The following STK39 variants were observed in gnomAD, a reference collection of about 807,000 sequenced individuals.
STK39 encodes the protein serine/threonine kinase 39.
Under a neutral mutation model 77.8 loss-of-function variants are expected in STK39, and 20 were observed. The ratio of observed to expected loss-of-function variants is 0.26; its 90% CI spans 0.18 to 0.37. The LOEUF is 0.37. Ranked by LOEUF, STK39 falls within the 10% of genes least tolerant of loss-of-function variation. The pLI is 1.00. For missense variants in STK39, 479 were observed against 656.5 expected (o/e 0.73, Z 2.95); for synonymous variants, 246 against 234.1 (o/e 1.05, Z -0.47).
chr2:168,042,689 T>A (rs1317726533), intron 14 of STK39, among the ~76,000 whole-genome samples: 1 of 151,546 alleles, frequency 6.6e-6, no homozygotes, highest in African/African-American at 2.4e-5. Flanking sequence ...CAAGCAGTTC[T>A]CTGCCTCAGC....
chr2:168,091,900 A>T (rs529562850), intron 10 of STK39, among the ~76,000 whole-genome samples: 5 of 152,216 alleles, frequency 3.3e-5, no homozygotes, highest in African/African-American at 9.6e-5. Flanking sequence ...GACATTTAAA[A>T]ACATGATCAC....
chr2:168,049,760 TCTC>T lies in STK39; in HGVS notation c.1376+13737_1376+13739del, dbSNP rs1226266139. On this transcript the variant is annotated intron_variant, in intron 14 of 17. Transcript: ENST00000355999. ...CAGCCACCAGCTGAGAACTAGCAAT[TCTC>T]CTTGCCTGTGCCCTGCACTTGCCTG... Among the ~76,000 whole-genome samples the T allele has an allele frequency of 7.2e-5, 11 of 152,320 alleles. No homozygotes were observed. In the East Asian group the frequency reaches 1.7e-3, roughly 24 times the overall value.
chr2:168,047,424 C>A (rs1168468959), intron 14 of STK39, among the ~76,000 whole-genome samples: 4 of 152,136 alleles, frequency 2.6e-5, no homozygotes, highest in Non-Finnish European at 5.9e-5. Flanking sequence ...AATGGTGCAA[C>A]CAAACCATAA....
chr2:168,246,275 G>T (rs982484332), intron 1 of STK39, among the ~76,000 whole-genome samples: 1 of 152,176 alleles, frequency 6.6e-6, no homozygotes, highest in African/African-American at 2.4e-5. Flanking sequence ...GATCCAATAG[G>T]GAAGGTTCTA....
intron 1 of STK39, among the ~76,000 whole-genome samples, chr2:168,237,354 T>A (rs1355433730): frequency 6.6e-6 from 1 of 152,162 alleles, no homozygotes; most frequent in African/African-American, 2.4e-5. Flanking sequence ...GCTGAGACAA[T>A]GGGGTTTTCT....
intron 1 of STK39, among the ~76,000 whole-genome samples, chr2:168,194,206 G>A (rs1689414667): frequency 6.6e-6 from 1 of 152,170 alleles, no homozygotes; most frequent in Non-Finnish European, 1.5e-5. Context: ...TTGAGGTCAG[G>A]AGTTCAAGAC....
intron 1 of STK39, among the ~76,000 whole-genome samples, chr2:168,230,703 C>T (rs1026470761): frequency 1.3e-5 from 2 of 152,172 alleles, no homozygotes; most frequent in African/African-American, 2.4e-5. Context: ...GAGGCACCCT[C>T]GCTGGCAAAA....
chr2:168,174,784 C>G (rs934799386), intron 2 of STK39, among the ~76,000 whole-genome samples: 1 of 150,616 alleles, frequency 6.6e-6, no homozygotes, highest in Admixed American at 6.6e-5. Context: ...ATCACTTGAG[C>G]CCAGGAGTTC....
chr2:168,235,039 A>AT (rs556244576), intron 1 of STK39, among the ~76,000 whole-genome samples: 2,308 of 141,040 alleles, frequency 0.016, 69 homozygotes, highest in African/African-American at 0.054. Context: ...TGAGTCAATA[A>AT]TTTTTTTTTT....
chr2:167,963,534 AAAAC>A (rs1692059739), intron 17 of STK39, among the ~76,000 whole-genome samples: 1 of 148,354 alleles, frequency 6.7e-6, no homozygotes, highest in African/African-American at 2.4e-5. Flanking sequence ...AAAAAAAAAA[AAAAC>A]ACACACATTA....
At chr2:168,054,845 G>T (rs955557647) in intron 14 of STK39, among the ~76,000 whole-genome samples, 1 of 151,696 alleles carries the variant, frequency 6.6e-6, no homozygotes, top group Non-Finnish European at 1.5e-5. Context: ...GCACACCAAA[G>T]ATAACATCTA....
chr2:168,247,209 C>A lies in STK39; in HGVS notation c.208+19G>T. The A allele has an allele frequency of 1.7e-6, 2 of 1,198,860 alleles. No homozygotes were observed. The highest frequency in any genetic ancestry group is 2.1e-6 in the Non-Finnish European group (2 of 961,948). The allele number at this position is 1,198,860 out of a possible 1,614,324, so 74.3% of individuals were successfully genotyped here. On this transcript the variant is annotated intron_variant, in intron 1 of 17. Transcript: ENST00000355999. The stretch of plus-strand genomic sequence containing the variant: ...CGGCGCCCGGCCTGTGCCGGCCCCG[C>A]CGCGCCCGCCGCACTGACCGATAAC...
At chr2:168,153,490 G>A (rs1486990476) in intron 5 of STK39, among the ~76,000 whole-genome samples, 1 of 152,174 alleles carries the variant, frequency 6.6e-6, no homozygotes, top group African/African-American at 2.4e-5. Flanking sequence ...AGAAGGTCTA[G>A]GGTAGGAGAA....
At chr2:168,092,714 A>T (rs1686555880) in intron 10 of STK39, among the ~76,000 whole-genome samples, 1 of 152,176 alleles carries the variant, frequency 6.6e-6, no homozygotes, top group African/African-American at 2.4e-5. Flanking sequence ...TCCTCTCATC[A>T]CATCTGCTCA....
intron 1 of STK39, among the ~76,000 whole-genome samples, chr2:168,187,287 G>GA (rs1689233121): frequency 6.6e-6 from 1 of 152,018 alleles, no homozygotes; most frequent in Non-Finnish European, 1.5e-5. Flanking sequence ...GAAGGTAGAG[G>GA]CTGCAGTGAG....
chr2:167,969,555 G>A (rs772745960), intron 16 of STK39, among the ~76,000 whole-genome samples: 3 of 152,090 alleles, frequency 2.0e-5, no homozygotes, highest in Admixed American at 6.5e-5. Flanking sequence ...GAAATAATCT[G>A]TCACATACCT....
chr2:168,065,232 G>T, intron 13 of STK39, 87 bp downstream of exon 13: 1 of 1,437,984 alleles, frequency 7.0e-7, no homozygotes, highest in Non-Finnish European at 9.8e-7. Flanking sequence ...GCACTACCTT[G>T]AAATTGTCTA....
intron 1 of STK39, among the ~76,000 whole-genome samples, chr2:168,225,869 G>A (rs1690291279): frequency 1.3e-5 from 2 of 152,118 alleles, no homozygotes; most frequent in South Asian, 4.1e-4. Flanking sequence ...CTTCTCCAAG[G>A]AGGGTGTCTG....
intron 12 of STK39, among the ~76,000 whole-genome samples, chr2:168,074,391 G>C (rs187873691): frequency 6.6e-6 from 1 of 152,164 alleles, no homozygotes; most frequent in Non-Finnish European, 1.5e-5. Context: ...TAGGCATTAG[G>C]ATAATTAATC....
Sources: gnomAD v4.1 joint callset for allele counts (sites outside exome capture counted in the v4.1 genomes callset) on GRCh38, gnomAD v4.1.1 for gene constraint, MANE v1.5 for transcripts, NCBI Gene and HGNC (gene_info 2026-07-23, HGNC 2026-07-21) for gene names.